Variants in CNTNAP2 observed in about 807,000 individuals in gnomAD.
CNTNAP2 encodes contactin-associated protein-like 2.
A neutral mutation model predicts 155.2 loss-of-function variants in CNTNAP2; 98 were observed. That is an observed-to-expected ratio of 0.63 (90% CI 0.54 to 0.75). The LOEUF is 0.75. CNTNAP2 is among the 30% of genes least tolerant of loss of function. The pLI, the probability that CNTNAP2 is intolerant of heterozygous loss-of-function variation, is 0.00. For missense variants in CNTNAP2, 1,727 were observed against 1,688.1 expected (o/e 1.02, Z -0.40); for synonymous variants, 651 against 631.2 (o/e 1.03, Z -0.47).
At chr7:146,583,851 C>G (rs546646743) in intron 1 of CNTNAP2, among the ~76,000 whole-genome samples, 31 of 152,156 alleles carry the variant, frequency 2.0e-4, no homozygotes, top group Admixed American at 1.9e-3. Context: ...TATTGTGAGC[C>G]ATATTTATAC....
chr7:147,842,689 C>T lies in CNTNAP2; in HGVS notation c.2099-60876C>T, dbSNP rs547435058. Among the ~76,000 whole-genome samples the T allele has an allele frequency of 4.7e-5, 5 of 106,912 alleles. No individual in the cohort carries two copies. The South Asian group carries it at 1.9e-3, about 40-fold the overall frequency. 70.1% of individuals were successfully genotyped at this position (106,912 alleles called of 152,430 possible). A position where few individuals can be genotyped will look rare whatever the true frequency, so the allele number is the denominator to read the frequency against. On this transcript the variant is annotated intron_variant, in intron 13 of 23. Coordinates refer to ENST00000361727, the MANE Select transcript of CNTNAP2 (RefSeq NM_014141.6). ...CATGTGCCATGCTGGTGCGCTGCAC[C>T]CACTAACGTGTCATCTAGCATTAGG...
chr7:148,224,076 T>TA (rs112518431), intron 19 of CNTNAP2, among the ~76,000 whole-genome samples: 12,833 of 146,994 alleles, frequency 0.087, 856 homozygotes, highest in African/African-American at 0.18. Context: ...TTCAGACCTT[T>TA]AAAAAAAAAA....
In CNTNAP2 at chr7:146,773,739, G is replaced by C. The variant is rs562814551; in HGVS notation, c.98-532G>C. Among the ~76,000 whole-genome samples, 32 of 152,142 alleles carry C rather than the reference G, an allele frequency of 2.1e-4. 1 individual carries two copies. Among genetic ancestry groups the C allele is most frequent in the South Asian group, 4.1e-4 (2 of 4,824 alleles). On this transcript the variant is annotated intron_variant, in intron 1 of 23. Coordinates refer to ENST00000361727, the MANE Select transcript of CNTNAP2 (RefSeq NM_014141.6). ...GAACATGTAACATGAGATCTGCCTT[G>C]ATAAGTGTGCAATATCATCTAGAGG... is the stretch of plus-strand genomic sequence containing the variant.
chr7:146,929,916 C>A (rs1420424533), intron 3 of CNTNAP2, among the ~76,000 whole-genome samples: 2 of 152,128 alleles, frequency 1.3e-5, no homozygotes, highest in African/African-American at 2.4e-5. Context: ...ACGAACAAAG[C>A]CTCCAAGAAA....
intron 1 of CNTNAP2, among the ~76,000 whole-genome samples, chr7:146,255,173 A>G (rs2129080505): frequency 6.6e-6 from 1 of 152,328 alleles, no homozygotes; most frequent in Middle Eastern, 3.4e-3. Context: ...ATTTCGGCAT[A>G]GAGAGACAGC....
At chr7:146,995,683 ATTGAG>A (rs1259338855) in intron 3 of CNTNAP2, among the ~76,000 whole-genome samples, 1 of 152,012 alleles carries the variant, frequency 6.6e-6, no homozygotes, top group African/African-American at 2.4e-5. Flanking sequence ...TATTCTTGCT[ATTGAG>A]TTGTTTCAGT....
chr7:146,424,149 T>G (rs1305050235), intron 1 of CNTNAP2, among the ~76,000 whole-genome samples: 1 of 152,214 alleles, frequency 6.6e-6, no homozygotes, highest in East Asian at 1.9e-4. Flanking sequence ...TCTAAAATGA[T>G]GGAACAGCTG....
In CNTNAP2 at chr7:146,744,227, C is replaced by CAAA. The variant is rs60606492; in HGVS notation, c.98-30022_98-30020dup. 2.4e-3 allele frequency among the ~76,000 whole-genome samples: 117 copies of CAAA among 48,106 alleles called. 3 individuals carry two copies. Among genetic ancestry groups the CAAA allele is most frequent in the Middle Eastern group, 0.015 (1 of 66 alleles). 31.6% of individuals were successfully genotyped at this position (48,106 alleles called of 152,430 possible). A position where few individuals can be genotyped will look rare whatever the true frequency, so the allele number is the denominator to read the frequency against. ...TGGGTGACAAAGTGACACTCTGTCT[C>CAAA]AAAAAAAAAAAAAAAAAAAAAAAAG... On this transcript the variant is annotated intron_variant, in intron 1 of 23. Coordinates refer to ENST00000361727, the MANE Select transcript of CNTNAP2 (RefSeq NM_014141.6).
intron 1 of CNTNAP2, among the ~76,000 whole-genome samples, chr7:146,703,903 TG>T (rs751872730): frequency 1.3e-5 from 2 of 152,136 alleles, no homozygotes; most frequent in Non-Finnish European, 2.9e-5. Flanking sequence ...CTCCCTTCTT[TG>T]TTCCAAGTCT....
At chr7:147,661,444 T>C (rs1795606598) in intron 13 of CNTNAP2, among the ~76,000 whole-genome samples, 1 of 152,182 alleles carries the variant, frequency 6.6e-6, no homozygotes, top group Admixed American at 6.5e-5. Context: ...TACAATTTAG[T>C]AGTGGTATTT....
chr7:148,405,095 T>C (rs1029723480), intron 22 of CNTNAP2, among the ~76,000 whole-genome samples: 5 of 152,088 alleles, frequency 3.3e-5, no homozygotes, highest in African/African-American at 1.2e-4. Context: ...CTCAGGTTTG[T>C]GTGTGGAACC....
In CNTNAP2 at chr7:146,323,221, G is replaced by A. The variant is rs575886307; in HGVS notation, c.97+206248G>A. 6.6e-5 allele frequency among the ~76,000 whole-genome samples: 10 copies of A among 152,202 alleles called. No individual in the cohort carries two copies. The East Asian group carries it at 1.7e-3, about 26-fold the overall frequency. ...GCAAGTGATTATGCAGTGTTGAAAG[G>A]TATTTTCTTGAGAATGTTATTTTTT... On this transcript the variant is annotated intron_variant, in intron 1 of 23. Coordinates refer to ENST00000361727, the MANE Select transcript of CNTNAP2 (RefSeq NM_014141.6).
chr7:146,497,234 A>G (rs1193569475), intron 1 of CNTNAP2, among the ~76,000 whole-genome samples: 1 of 152,160 alleles, frequency 6.6e-6, no homozygotes, highest in African/African-American at 2.4e-5. Flanking sequence ...TTGATTAAAA[A>G]TCTTAAACAC....
chr7:147,283,731 C>G (rs140153506), intron 8 of CNTNAP2, among the ~76,000 whole-genome samples: 93 of 151,978 alleles, frequency 6.1e-4, no homozygotes, highest in African/African-American at 2.0e-3. Flanking sequence ...AGAACAAATG[C>G]TTTTCCCAAA....
At chr7:146,445,297 G>A (rs1034755180) in intron 1 of CNTNAP2, among the ~76,000 whole-genome samples, 12 of 152,170 alleles carry the variant, frequency 7.9e-5, no homozygotes, top group Non-Finnish European at 1.3e-4. Context: ...ATCATAGATT[G>A]AGTAGCTGTT....
chr7:148,312,283 T>C (rs1412914230), intron 21 of CNTNAP2, among the ~76,000 whole-genome samples: 1 of 152,012 alleles, frequency 6.6e-6, no homozygotes, highest in African/African-American at 2.4e-5. Context: ...GTAGAAGGGA[T>C]TGGGGTTTGG....
At chr7:146,720,887 C>T (rs1018074565) in intron 1 of CNTNAP2, among the ~76,000 whole-genome samples, 1 of 143,422 alleles carries the variant, frequency 7.0e-6, no homozygotes, top group African/African-American at 2.6e-5. Flanking sequence ...TATATATATA[C>T]TCTCTATATA....
chr7:147,330,823 C>A (rs1362514595), intron 9 of CNTNAP2, among the ~76,000 whole-genome samples: 3 of 152,104 alleles, frequency 2.0e-5, no homozygotes, highest in Non-Finnish European at 1.5e-5. Flanking sequence ...TCGTTATTTT[C>A]CCTACTCTGA....
At chr7:147,148,531 T>C (rs1801759231) in intron 8 of CNTNAP2, among the ~76,000 whole-genome samples, 1 of 152,142 alleles carries the variant, frequency 6.6e-6, no homozygotes, top group South Asian at 2.1e-4. Context: ...TTCCTTCCAG[T>C]GGGTTTTTGG....
Sources: allele counts gnomAD v4.1 joint callset (sites outside exome capture counted in the v4.1 genomes callset), GRCh38; gene constraint gnomAD v4.1.1; transcripts MANE v1.5; gene names NCBI Gene and HGNC (gene_info 2026-07-23, HGNC 2026-07-21).